The following PTPN11 variants were observed in gnomAD, a reference collection of about 807,000 sequenced individuals.
PTPN11 encodes the protein tyrosine-protein phosphatase non-receptor type 11.
PTPN11 carries 6 observed loss-of-function variants against 78.8 expected under a neutral mutation model. That is an observed-to-expected ratio of 0.08 (90% confidence interval 0.04 to 0.15). The LOEUF is 0.15. PTPN11 is among the 10% of genes least tolerant of loss of function. The probability of loss-of-function intolerance (pLI) is 1.00; values close to 1 mark genes in which losing one functional copy is unlikely to be tolerated. For missense variants in PTPN11, 386 were observed against 744.8 expected (o/e 0.52, Z 5.61); for synonymous variants, 221 against 263.5 (o/e 0.84, Z 1.56).
At chr12:112,445,195 G>C (rs561027050) in intron 1 of PTPN11, among the ~76,000 whole-genome samples, 1 of 151,960 alleles carries the variant, frequency 6.6e-6, no homozygotes, top group East Asian at 1.9e-4. Flanking sequence ...ACAGTGGCAC[G>C]ATCATGGCTC....
intron 6 of PTPN11, among the ~76,000 whole-genome samples, chr12:112,467,118 A>G (rs150243788): frequency 6.6e-6 from 1 of 152,242 alleles, no homozygotes; most frequent in East Asian, 1.9e-4. Context: ...TTACATTTAC[A>G]TAAGGGAGAC....
intron 1 of PTPN11, among the ~76,000 whole-genome samples, chr12:112,441,780 A>G (rs1278004023): frequency 6.6e-6 from 1 of 151,234 alleles, no homozygotes; most frequent in African/African-American, 2.4e-5. Context: ...CATGAAGAAT[A>G]TCTTTTTTTT....
intron 2 of PTPN11, among the ~76,000 whole-genome samples, chr12:112,447,705 G>C (rs11066310): frequency 6.6e-6 from 1 of 151,296 alleles, no homozygotes; most frequent in Admixed American, 6.6e-5. Context: ...TCACCATGTC[G>C]ACCAGGCTGG....
chr12:112,432,538 G>A (rs1203329857), intron 1 of PTPN11, among the ~76,000 whole-genome samples: 1 of 151,814 alleles, frequency 6.6e-6, no homozygotes, highest in Non-Finnish European at 1.5e-5. Flanking sequence ...GCATGGTGGC[G>A]GGTGCCTGTA....
At chr12:112,441,410 T>TG (rs2135849250) in intron 1 of PTPN11, among the ~76,000 whole-genome samples, 2 of 152,060 alleles carry the variant, frequency 1.3e-5, no homozygotes, top group East Asian at 3.9e-4. Context: ...TACAGGCATA[T>TG]GCCACCACAC....
chr12:112,486,728 G>A, intron 11 of PTPN11, 99 bp downstream of exon 11: 4 of 1,547,634 alleles, frequency 2.6e-6, no homozygotes, highest in Non-Finnish European at 2.6e-6. Context: ...TTAACTGTAG[G>A]AAGAATTTAA....
chr12:112,468,870 C>A (rs951438961), intron 6 of PTPN11, among the ~76,000 whole-genome samples: 4 of 152,208 alleles, frequency 2.6e-5, no homozygotes, highest in African/African-American at 9.7e-5. Context: ...GCGAGACCAG[C>A]CTGGGCAACA....
At chr12:112,450,581 G>A (rs2038066577) in intron 3 of PTPN11, 69 bp downstream of exon 3, 6 of 1,447,550 alleles carry the variant, frequency 4.1e-6, no homozygotes, top group South Asian at 3.4e-5. Context: ...AATGCATGAC[G>A]GTCTGTGTAT....
At chr12:112,451,886 A>G (rs984110728) in intron 3 of PTPN11, among the ~76,000 whole-genome samples, 1 of 151,836 alleles carries the variant, frequency 6.6e-6, no homozygotes, top group Admixed American at 6.6e-5. Context: ...TTTTTAATTT[A>G]TTTATTTGAG....
In PTPN11 at chr12:112,507,193, C is replaced by T. The variant is rs1292440063; in HGVS notation, c.*1401C>T. On this transcript the variant is annotated 3_prime_UTR_variant, in exon 16 of 16. Transcript: ENST00000351677. ...AGAAGTTGCTAGTGACCTTGGGAAG[C>T]CGAAGCTGCTTACAGTAGCTGGGAC... 6.5e-6 allele frequency: 1 copy of T among 152,730 alleles called. No individual in the cohort carries two copies. The highest frequency in any genetic ancestry group is 2.4e-5 in the African/African-American group (1 of 41,444). The allele number at this position is 152,730 out of a possible 1,614,324, so 9.5% of individuals were successfully genotyped here. A position where few individuals can be genotyped will look rare whatever the true frequency, so the allele number is the denominator to read the frequency against.
At chr12:112,483,299 C>A (rs2038625488) in intron 10 of PTPN11, among the ~76,000 whole-genome samples, 2 of 151,740 alleles carry the variant, frequency 1.3e-5, no homozygotes, top group Non-Finnish European at 2.9e-5. Flanking sequence ...GTGATCCTCT[C>A]ACCTCAGCCT....
intron 13 of PTPN11, 133 bp downstream of exon 13, chr12:112,489,308 T>A: frequency 9.5e-7 from 1 of 1,049,700 alleles, no homozygotes; most frequent in Non-Finnish European, 1.5e-6. Context: ...AACTCCCAAC[T>A]AAAAGGGCCT....
chr12:112,449,558 G>A (rs1277891067), intron 2 of PTPN11, among the ~76,000 whole-genome samples: 1 of 152,014 alleles, frequency 6.6e-6, no homozygotes. Context: ...CATTGTATGA[G>A]TAGTAACACA....
At chr12:112,450,936 T>C (rs912592284) in intron 3 of PTPN11, among the ~76,000 whole-genome samples, 5 of 152,158 alleles carry the variant, frequency 3.3e-5, no homozygotes, top group Non-Finnish European at 5.9e-5. Flanking sequence ...AGCTCAGAAG[T>C]GGAAAAGCAG....
At chr12:112,420,421 C>A (rs2037504975) in intron 1 of PTPN11, among the ~76,000 whole-genome samples, 2 of 151,930 alleles carry the variant, frequency 1.3e-5, no homozygotes, top group African/African-American at 2.4e-5. Context: ...TCTCGGCTCA[C>A]CACAATCTCC....
At chr12:112,440,837 A>G (rs565195023) in intron 1 of PTPN11, among the ~76,000 whole-genome samples, 12 of 151,368 alleles carry the variant, frequency 7.9e-5, no homozygotes, top group Non-Finnish European at 1.5e-4. Flanking sequence ...GCTCTTCCCA[A>G]AGTGCTGGGA....
At chr12:112,459,773 G>A (rs1403167679) in intron 6 of PTPN11, among the ~76,000 whole-genome samples, 2 of 151,792 alleles carry the variant, frequency 1.3e-5, no homozygotes, top group African/African-American at 4.8e-5. Context: ...CGGCCTTGAA[G>A]CAAATCTTAA....
chr12:112,418,964 G>GA lies in PTPN11; in HGVS notation c.-148_-147insA. 1.1e-6 allele frequency: 1 copy of GA among 948,062 alleles called. No individual in the cohort carries two copies. Among genetic ancestry groups the GA allele is most frequent in the Non-Finnish European group, 1.6e-6 (1 of 625,640 alleles). The allele number at this position is 948,062 out of a possible 1,614,324, so 58.7% of individuals were successfully genotyped here. A position where few individuals can be genotyped will look rare whatever the true frequency, so the allele number is the denominator to read the frequency against. On this transcript the variant is annotated 5_prime_UTR_variant, in exon 1 of 16. Coordinates refer to ENST00000351677, the MANE Select transcript of PTPN11 (RefSeq NM_002834.5). ...AGCTGCACAGTCTCCGGGATCCCCAGGCCTGGAGGGGGGTCTGTGCGCGGC... is the reference window on the plus strand; with the variant it reads ...AGCTGCACAGTCTCCGGGATCCCCAGAGCCTGGAGGGGGGTCTGTGCGCGGC...
At chr12:112,481,935 GA>G in intron 9 of PTPN11, 138 bp from the exon 10 acceptor site, 1 of 917,106 alleles carries the variant, frequency 1.1e-6, no homozygotes, top group Non-Finnish European at 1.7e-6. Flanking sequence ...GTCCTTTTCT[GA>G]AAACCTAACA....
Sources: allele counts gnomAD v4.1 joint callset (sites outside exome capture counted in the v4.1 genomes callset), GRCh38; gene constraint gnomAD v4.1.1; transcripts MANE v1.5; gene names NCBI Gene and HGNC (gene_info 2026-07-23, HGNC 2026-07-21).